The following PAFAH1B2 variants were observed in gnomAD, a reference collection of about 807,000 sequenced individuals.
The protein encoded by PAFAH1B2 is platelet activating factor acetylhydrolase 1b catalytic subunit 2, also known as platelet-activating factor acetylhydrolase IB subunit alpha2.
A neutral mutation model predicts 28.0 loss-of-function variants in PAFAH1B2; 8 were observed. The ratio of observed to expected loss-of-function variants is 0.29; its 90% confidence interval spans 0.17 to 0.52. The LOEUF is 0.52. PAFAH1B2 is among the 20% of genes least tolerant of loss of function. PAFAH1B2 has a pLI of 0.97. For synonymous variants in PAFAH1B2, 104 were observed against 103.2 expected (o/e 1.01, Z -0.05); for missense variants, 190 against 282.6 (o/e 0.67, Z 2.35).
At chr11:117,173,635 A>G (rs1186399131), downstream of PAFAH1B2, among the ~76,000 whole-genome samples, 2 of 152,190 alleles carry the variant, frequency 1.3e-5, no homozygotes, top group Non-Finnish European at 2.9e-5. Context: ...TGACTGTAGA[A>G]CTTTTTGACA....
chr11:117,152,387 G>A, intron 1 of PAFAH1B2, 54 bp from the exon 2 acceptor site: 1 of 1,036,000 alleles, frequency 9.7e-7, no homozygotes. Flanking sequence ...ATATTTAAGT[G>A]GTAACAAACC....
Position 117,171,044 on chromosome 11 carries a change from A to G in PAFAH1B2, c.*3345A>G, listed in dbSNP as rs1956639606. ...CAATATAAATGTAAACATTTTGCTC[A>G]ATTTGCTGGTGTCTTTCTGTCTCCT... On this transcript the variant is annotated 3_prime_UTR_variant, in exon 6 of 6. Coordinates refer to ENST00000527958, the MANE Select transcript of PAFAH1B2 (RefSeq NM_002572.4). The G allele has an allele frequency of 9.7e-7, 1 of 1,029,450 alleles. No individual in the cohort carries two copies. The highest frequency in any genetic ancestry group is 4.6e-5 in the South Asian group (1 of 21,640). 63.8% of individuals were successfully genotyped at this position (1,029,450 alleles called of 1,614,324 possible).
chr11:117,171,653 C>CA (rs1328819035), downstream of PAFAH1B2: 2 of 1,480,990 alleles, frequency 1.4e-6, no homozygotes, highest in African/African-American at 1.4e-5. Context: ...TACTCTATCT[C>CA]AGAGATAGTG....
rs769427157 is a variant in PAFAH1B2 at position 117,159,930 on chromosome 11, C to T, written c.82-4C>T. ...ATAATTTTTTTTTTTCTTCTTCAAACCAGCACAACAGATTTGTTTTGGACT... is the reference window on the plus strand; with the variant it reads ...ATAATTTTTTTTTTTCTTCTTCAAATCAGCACAACAGATTTGTTTTGGACT... On this transcript the variant is annotated splice_polypyrimidine_tract_variant and splice_region_variant and intron_variant, in intron 2 of 5. Transcript: ENST00000527958. The T allele has an allele frequency of 1.1e-5, 18 of 1,610,586 alleles. No individual in the cohort carries two copies. The African/African-American group carries it at 2.1e-4, about 19-fold the overall frequency.
rs1245603858 is a variant in PAFAH1B2 at position 117,170,106 on chromosome 11, T to A, written c.*2407T>A. The A allele has an allele frequency of 9.5e-7, 1 of 1,055,462 alleles. No individual in the cohort carries two copies. Among genetic ancestry groups the A allele is most frequent in the African/African-American group, 1.7e-5 (1 of 60,536 alleles). 65.4% of individuals were successfully genotyped at this position (1,055,462 alleles called of 1,614,324 possible). A position where few individuals can be genotyped will look rare whatever the true frequency, so the allele number is the denominator to read the frequency against. ...AGTTCACTTTCATTTTTTGCCAGAT[T>A]TCTTTGCACTACTTTAGGTAAAAAT... is the stretch of plus-strand genomic sequence containing the variant. On this transcript the variant is annotated 3_prime_UTR_variant, in exon 6 of 6. Coordinates refer to ENST00000527958, the MANE Select transcript of PAFAH1B2 (RefSeq NM_002572.4).
chr11:117,157,343 T>C (rs561051748), intron 2 of PAFAH1B2, among the ~76,000 whole-genome samples: 1 of 152,194 alleles, frequency 6.6e-6, no homozygotes, highest in South Asian at 2.1e-4. Flanking sequence ...GGTTTTGCCA[T>C]GTTGCCCAGG....
chr11:117,177,180 A>G (rs1194602594), downstream of PAFAH1B2, among the ~76,000 whole-genome samples: 2 of 152,146 alleles, frequency 1.3e-5, no homozygotes, highest in East Asian at 3.9e-4. Context: ...CTGCACTCCA[A>G]CCTGGGCAAC....
At chr11:117,158,837 G>A (rs1956310355) in intron 2 of PAFAH1B2, among the ~76,000 whole-genome samples, 1 of 151,982 alleles carries the variant, frequency 6.6e-6, no homozygotes, top group Non-Finnish European at 1.5e-5. Flanking sequence ...TAGAGGCGGG[G>A]TTTCACCATG....
chr11:117,170,533 A>G lies in PAFAH1B2; in HGVS notation c.*2834A>G. 1 of 1,058,868 alleles carries G rather than the reference A, an allele frequency of 9.4e-7. No homozygotes were observed. The highest frequency in any genetic ancestry group is 1.1e-6 in the Non-Finnish European group (1 of 875,872). The allele number at this position is 1,058,868 out of a possible 1,614,324, so 65.6% of individuals were successfully genotyped here. On this transcript the variant is annotated 3_prime_UTR_variant, in exon 6 of 6. Transcript: ENST00000527958. ...TGAGGCTACTTGAACTGTCAGGGGCATCTGCCTAAACCAGAATCTTTTGTC... is the reference window on the plus strand; with the variant it reads ...TGAGGCTACTTGAACTGTCAGGGGCGTCTGCCTAAACCAGAATCTTTTGTC...
chr11:117,168,140 C>G lies in PAFAH1B2; in HGVS notation c.*441C>G. The G allele has an allele frequency of 9.5e-7, 1 of 1,050,868 alleles. No homozygotes were observed. Among genetic ancestry groups the G allele is most frequent in the South Asian group, 4.6e-5 (1 of 21,748 alleles). 65.1% of individuals were successfully genotyped at this position (1,050,868 alleles called of 1,614,324 possible). A position where few individuals can be genotyped will look rare whatever the true frequency, so the allele number is the denominator to read the frequency against. The stretch of plus-strand genomic sequence containing the variant: ...AATTTTTTTAAGGTTCATAATTTAG[C>G]CTTTTGTTTTTATGTTGCTTAGATT... On this transcript the variant is annotated 3_prime_UTR_variant, in exon 6 of 6. Coordinates refer to ENST00000527958, the MANE Select transcript of PAFAH1B2 (RefSeq NM_002572.4).
Position 117,152,998 on chromosome 11 carries a change from G to A in PAFAH1B2, c.81+470G>A, listed in dbSNP as rs1262117848. On this transcript the variant is annotated intron_variant, in intron 2 of 5. Coordinates refer to ENST00000527958, the MANE Select transcript of PAFAH1B2 (RefSeq NM_002572.4). ...GGAGAATCGCTTGAACCCAGGAGGC[G>A]GAGGTTGCAGTGAGCCGAGATTGTG... 2.6e-5 allele frequency among the ~76,000 whole-genome samples: 4 copies of A among 152,104 alleles called. No homozygotes were observed. The East Asian group carries it at 5.8e-4, about 22-fold the overall frequency.
At chr11:117,147,852 G>A (rs181758916) in intron 1 of PAFAH1B2, among the ~76,000 whole-genome samples, 16 of 152,200 alleles carry the variant, frequency 1.1e-4, no homozygotes, top group African/African-American at 3.9e-4. Context: ...AGTTCTTCCT[G>A]CCTTGTAGCT....
intron 2 of PAFAH1B2, among the ~76,000 whole-genome samples, chr11:117,155,557 A>G (rs747000643): frequency 1.3e-5 from 2 of 152,240 alleles, no homozygotes; most frequent in Non-Finnish European, 2.9e-5. Flanking sequence ...CAAGTACAGT[A>G]AAACCAGTTC....
intron 1 of PAFAH1B2, among the ~76,000 whole-genome samples, chr11:117,148,012 C>T (rs1221995158): frequency 6.6e-6 from 1 of 150,390 alleles, no homozygotes; most frequent in African/African-American, 2.5e-5. Flanking sequence ...AGTGAAACAA[C>T]TTAGTAAATT....
rs1041277697 is a variant in PAFAH1B2, at chr11:117,169,389, G to A, written c.*1690G>A. 6 of 1,051,620 alleles carry A rather than the reference G, an allele frequency of 5.7e-6. No individual in the cohort carries two copies. Among genetic ancestry groups the A allele is most frequent in the Non-Finnish European group, 6.9e-6 (6 of 870,724 alleles). 65.1% of individuals were successfully genotyped at this position (1,051,620 alleles called of 1,614,324 possible). A position where few individuals can be genotyped will look rare whatever the true frequency, so the allele number is the denominator to read the frequency against. On this transcript the variant is annotated 3_prime_UTR_variant, in exon 6 of 6. Transcript: ENST00000527958. ...AGATATTTTGAACTGGACCAGGTGG[G>A]TATTGAAGTAACCCATCAAAATATG... is the stretch of plus-strand genomic sequence containing the variant.
intron 2 of PAFAH1B2, among the ~76,000 whole-genome samples, chr11:117,157,287 A>AAT (rs34197273): frequency 0.1 from 15,069 of 148,770 alleles, 780 homozygotes; most frequent in African/African-American, 0.12. Context: ...TAAATAAATG[A>AAT]ATATATATAT....
chr11:117,163,622 GA>G (rs1482934936), intron 4 of PAFAH1B2, 147 bp from the exon 5 acceptor site: 1 of 737,556 alleles, frequency 1.4e-6, no homozygotes, highest in Non-Finnish European at 2.2e-6. Flanking sequence ...GCAGTGAGCC[GA>G]AATGGTGCCA....
At chr11:117,171,538 G>GAAA, downstream of PAFAH1B2, 9 of 466,332 alleles carry the variant, frequency 1.9e-5, no homozygotes, top group South Asian at 8.8e-5. Context: ...TCTTGTCTCG[G>GAAA]AAAAAAAAAA....
At chr11:117,152,238 T>G (rs892838421) in intron 1 of PAFAH1B2, among the ~76,000 whole-genome samples, 11 of 152,226 alleles carry the variant, frequency 7.2e-5, no homozygotes, top group African/African-American at 2.7e-4. Flanking sequence ...TCTGGCGGTT[T>G]AGTGGTGCTA....
Sources: gnomAD v4.1 joint callset for allele counts (sites outside exome capture counted in the v4.1 genomes callset) on GRCh38, gnomAD v4.1.1 for gene constraint, MANE v1.5 for transcripts, NCBI Gene and HGNC (gene_info 2026-07-23, HGNC 2026-07-21) for gene names.